Variants in ADRA2A observed in about 807,000 individuals in gnomAD.
The protein encoded by ADRA2A is alpha-2A adrenergic receptor.
In ADRA2A, 6 loss-of-function variants were observed where a neutral mutation model predicts 5.9. The ratio of observed to expected loss-of-function variants is 1.01; its 90% CI spans 0.55 to 2.00. The LOEUF (loss-of-function observed/expected upper bound fraction) is 2.00, where lower values mean the gene tolerates loss of function less well. ADRA2A is among the 30% of genes most tolerant of loss of function. The probability of loss-of-function intolerance (pLI) is 0.00; values close to 1 mark genes in which losing one functional copy is unlikely to be tolerated. For missense variants in ADRA2A, 647 were observed against 690.0 expected (o/e 0.94, Z 0.70); for synonymous variants, 345 against 325.9 (o/e 1.06, Z -0.63).
rs1843558726 is a variant in ADRA2A at position 111,078,444 on chromosome 10, A to C, written c.448A>C (p.Ile150Leu). The change falls in exon 1 of 1, where the codon ATC (isoleucine) becomes CTC (leucine). Residue 150 changes from isoleucine (I) to leucine (L), a missense_variant. By Grantham distance (5) the Ile-to-Leu change is conservative. Coordinates refer to ENST00000280155, the MANE Select transcript of ADRA2A (RefSeq NM_000681.4). Reference protein sequence around the residue: ...CAISLDRYWSITQAIEYNLKR... With the variant: ...CAISLDRYWSLTQAIEYNLKR... Reference sequence around the variant, plus strand: ...CATCAGCCTGGACCGCTACTGGTCCATCACACAGGCCATCGAGTACAACCT... The same window carrying C: ...CATCAGCCTGGACCGCTACTGGTCCCTCACACAGGCCATCGAGTACAACCT... 6.2e-7 allele frequency: 1 copy of C among 1,613,698 alleles called. No homozygotes were observed. The highest frequency in any genetic ancestry group is 1.1e-5 in the South Asian group (1 of 91,064).
At position 111,078,748 on chromosome 10, in the gene ADRA2A, C is replaced by G. The variant is rs375697365; in HGVS notation, c.752C>G (p.Pro251Arg). 4.4e-3 allele frequency: 6,343 copies of G among 1,443,268 alleles called. 299 individuals carry two copies. The South Asian group carries it at 0.091, about 21-fold the overall frequency. The allele number at this position is 1,443,268 out of a possible 1,614,324, so 89.4% of individuals were successfully genotyped here. Residue 251 changes from proline (P) to arginine (R), a missense_variant, in exon 1 of 1, where the codon CCG (proline) becomes CGG (arginine). Physicochemically the swap from Pro to Arg is moderately radical, Grantham distance 103. Coordinates refer to ENST00000280155, the MANE Select transcript of ADRA2A (RefSeq NM_000681.4). ...RTRVPPSRRG[P>R]DAVAAPPGGT... Reference sequence around the variant, plus strand: ...CGCGTGCCACCCAGCCGCCGGGGTCCGGACGCCGTCGCCGCGCCGCCGGGG... The same window carrying G: ...CGCGTGCCACCCAGCCGCCGGGGTCGGGACGCCGTCGCCGCGCCGCCGGGG...
In ADRA2A at chr10:111,080,702, T is replaced by C. The variant is rs188565562; in HGVS notation, c.*1308T>C. ...AGAGACAATTTAAGGCCTGCACTCTTATTTCACTAAAGAAAAACTAATGTC... is the reference window on the plus strand; with the variant it reads ...AGAGACAATTTAAGGCCTGCACTCTCATTTCACTAAAGAAAAACTAATGTC... On this transcript the variant is annotated 3_prime_UTR_variant, in exon 1 of 1. Transcript: ENST00000280155. The C allele has an allele frequency of 1.8e-5, 3 of 167,200 alleles. No homozygotes were observed. The highest frequency in any genetic ancestry group is 3.9e-4 in the East Asian group (2 of 5,190). 10.4% of individuals were successfully genotyped at this position (167,200 alleles called of 1,614,324 possible).
Position 111,077,567 on chromosome 10 carries a change from C to T in ADRA2A, c.-430C>T, listed in dbSNP as rs1284246641. 1 of 152,394 alleles carries T rather than the reference C, an allele frequency of 6.6e-6. No individual in the cohort carries two copies. Among genetic ancestry groups the T allele is most frequent in the African/African-American group, 2.4e-5 (1 of 41,482 alleles). The allele number at this position is 152,394 out of a possible 1,614,324, so 9.4% of individuals were successfully genotyped here. A position where few individuals can be genotyped will look rare whatever the true frequency, so the allele number is the denominator to read the frequency against. ...GCGGGCCCCGCACACGGTAAGACCTCTTGCTTTCGCTCAGGCTCAAGATTC... is the reference window on the plus strand; with the variant it reads ...GCGGGCCCCGCACACGGTAAGACCTTTTGCTTTCGCTCAGGCTCAAGATTC... On this transcript the variant is annotated 5_prime_UTR_variant, in exon 1 of 1. Transcript: ENST00000280155.
chr10:111,079,649 C>T lies in ADRA2A; in HGVS notation c.*255C>T. On this transcript the variant is annotated 3_prime_UTR_variant, in exon 1 of 1. Transcript: ENST00000280155. ...GAGCCATCTTCCTAGTGGGCCACCC[C>T]TAATCACTATTGCTTCCTAAAGGTA... 1.7e-6 allele frequency: 1 copy of T among 596,610 alleles called. No homozygotes were observed. Among genetic ancestry groups the T allele is most frequent in the Non-Finnish European group, 3.1e-6 (1 of 327,066 alleles). 37.0% of individuals were successfully genotyped at this position (596,610 alleles called of 1,614,324 possible).
In ADRA2A at chr10:111,077,898, G is replaced by T. The variant is rs1457028823; in HGVS notation, c.-99G>T. ...CTGCGGCCCCCTCCCTATGTGAGCC[G>T]CAGCCAGGCGAGCGGGGCGCCGGAG... is the stretch of plus-strand genomic sequence containing the variant. On this transcript the variant is annotated 5_prime_UTR_variant, in exon 1 of 1. Coordinates refer to ENST00000280155, the MANE Select transcript of ADRA2A (RefSeq NM_000681.4). 2 of 1,317,020 alleles carry T rather than the reference G, an allele frequency of 1.5e-6. No homozygotes were observed. Among genetic ancestry groups the T allele is most frequent in the Admixed American group, 8.3e-5 (2 of 24,176 alleles). The allele number at this position is 1,317,020 out of a possible 1,614,324, so 81.6% of individuals were successfully genotyped here.
In ADRA2A at chr10:111,077,969, A is replaced by C. The variant is rs985798746; in HGVS notation, c.-28A>C. On this transcript the variant is annotated 5_prime_UTR_variant, in exon 1 of 1. Coordinates refer to ENST00000280155, the MANE Select transcript of ADRA2A (RefSeq NM_000681.4). ...GCCGGGCCGGAAGGCAGCTGGCAGC[A>C]GGCCCAGGCCAGCGGGCGCCCGCGT... 1.8e-5 allele frequency: 25 copies of C among 1,353,750 alleles called. No individual in the cohort carries two copies. The Admixed American group carries it at 4.3e-4, about 23-fold the overall frequency. The allele number at this position is 1,353,750 out of a possible 1,614,324, so 83.9% of individuals were successfully genotyped here.
rs754851204 is a variant in ADRA2A at position 111,078,519 on chromosome 10, A to G, written c.523A>G (p.Ile175Val). 3.1e-6 allele frequency: 5 copies of G among 1,609,830 alleles called. No homozygotes were observed. The highest frequency in any genetic ancestry group is 4.2e-6 in the Non-Finnish European group (5 of 1,177,640). Residue 175 changes from isoleucine to valine, a missense_variant, in exon 1 of 1, where the codon ATC becomes GTC. Around this residue, in one of 3 missense-constraint regions of ADRA2A, gnomAD observed 577 missense variants for 605.4 expected, o/e 0.95. Coordinates refer to ENST00000280155, the MANE Select transcript of ADRA2A (RefSeq NM_000681.4). ...IKAIIITVWV[I>V]SAVISFPPLI... ...GGCCATCATCATCACCGTGTGGGTC[A>G]TCTCGGCCGTCATCTCCTTCCCGCC... is the stretch of plus-strand genomic sequence containing the variant.
Position 111,077,895 on chromosome 10 carries a change from G to A in ADRA2A, c.-102G>A. The A allele has an allele frequency of 1.5e-6, 2 of 1,318,356 alleles. No homozygotes were observed. Among genetic ancestry groups the A allele is most frequent in the Non-Finnish European group, 1.9e-6 (2 of 1,042,158 alleles). The allele number at this position is 1,318,356 out of a possible 1,614,324, so 81.7% of individuals were successfully genotyped here. On this transcript the variant is annotated 5_prime_UTR_variant, in exon 1 of 1. Transcript: ENST00000280155. ...TCCCTGCGGCCCCCTCCCTATGTGA[G>A]CCGCAGCCAGGCGAGCGGGGCGCCG...
rs776995550 is a variant in ADRA2A, at chr10:111,079,173, G to T, written c.1177G>T (p.Val393Leu). ...REKRFTFVLAVVIGVFVVCWF... is the reference protein window; with the variant it reads ...REKRFTFVLALVIGVFVVCWF... ...GAAGCGCTTCACGTTCGTGCTGGCCGTGGTCATCGGAGTGTTCGTGGTGTG... is the reference window on the plus strand; with the variant it reads ...GAAGCGCTTCACGTTCGTGCTGGCCTTGGTCATCGGAGTGTTCGTGGTGTG... The change falls in exon 1 of 1, where the codon GTG becomes TTG. Residue 393 changes from valine (V) to leucine (L), a missense_variant. Val to Leu is a conservative substitution (Grantham distance 32). Coordinates refer to ENST00000280155, the MANE Select transcript of ADRA2A (RefSeq NM_000681.4). 1 of 1,613,624 alleles carries T rather than the reference G, an allele frequency of 6.2e-7. No homozygotes were observed. Among genetic ancestry groups the T allele is most frequent in the South Asian group, 1.1e-5 (1 of 91,088 alleles).
At position 111,079,841 on chromosome 10, in the gene ADRA2A, G is replaced by C; in HGVS notation, c.*447G>C. The C allele has an allele frequency of 5.5e-6, 1 of 183,024 alleles. No individual in the cohort carries two copies. The highest frequency in any genetic ancestry group is 1.3e-5 in the Non-Finnish European group (1 of 78,386). The allele number at this position is 183,024 out of a possible 1,614,324, so 11.3% of individuals were successfully genotyped here. A position where few individuals can be genotyped will look rare whatever the true frequency, so the allele number is the denominator to read the frequency against. The stretch of plus-strand genomic sequence containing the variant: ...TTTTTAAAGAAAAATGCTAAGGGCA[G>C]CCCTGCCTGCCCTCCCCATCCCCCG... On this transcript the variant is annotated 3_prime_UTR_variant, in exon 1 of 1. Coordinates refer to ENST00000280155, the MANE Select transcript of ADRA2A (RefSeq NM_000681.4).
chr10:111,079,593 C>T lies in ADRA2A; in HGVS notation c.*199C>T. The stretch of plus-strand genomic sequence containing the variant: ...CTTCTTGCTGCCAGGCCCACACATC[C>T]CCAGTTGTTGGTTTGGCCACTCTTG... On this transcript the variant is annotated 3_prime_UTR_variant, in exon 1 of 1. Coordinates refer to ENST00000280155, the MANE Select transcript of ADRA2A (RefSeq NM_000681.4). 1 of 638,116 alleles carries T rather than the reference C, an allele frequency of 1.6e-6. No individual in the cohort carries two copies. 39.5% of individuals were successfully genotyped at this position (638,116 alleles called of 1,614,324 possible).
rs1843567891 is a variant in ADRA2A at position 111,078,988 on chromosome 10, G to A, written c.992G>A (p.Arg331Gln). 8.1e-7 allele frequency: 1 copy of A among 1,234,704 alleles called. No homozygotes were observed. The highest frequency in any genetic ancestry group is 3.4e-5 in the South Asian group (1 of 29,454). The allele number at this position is 1,234,704 out of a possible 1,614,324, so 76.5% of individuals were successfully genotyped here. The part of the protein sequence containing the change: ...PGPRRPERGP[R>Q]GKGKARASQV... The stretch of plus-strand genomic sequence containing the variant: ...CCCCGCAGACCCGAGCGCGGTCCCC[G>A]GGGCAAAGGCAAGGCCCGAGCGAGC... Residue 331 changes from arginine to glutamine, a missense_variant, in exon 1 of 1, where the codon CGG (arginine) becomes CAG (glutamine). This residue lies in a region of ADRA2A where 577 missense variants were observed against 605.4 expected (regional missense o/e 0.95). Transcript: ENST00000280155.
rs555550943 is a variant in ADRA2A at position 111,079,779 on chromosome 10, C to T, written c.*385C>T. ...GTTAATGGATGGGGGTTACCTAGCC[C>T]TGGCTAATTCCCCTTCCATTCCCAA... On this transcript the variant is annotated 3_prime_UTR_variant, in exon 1 of 1. Coordinates refer to ENST00000280155, the MANE Select transcript of ADRA2A (RefSeq NM_000681.4). 6 of 230,258 alleles carry T rather than the reference C, an allele frequency of 2.6e-5. No individual in the cohort carries two copies. Among genetic ancestry groups the T allele is most frequent in the Admixed American group, 1.1e-4 (2 of 18,378 alleles). The allele number at this position is 230,258 out of a possible 1,614,324, so 14.3% of individuals were successfully genotyped here. A position where few individuals can be genotyped will look rare whatever the true frequency, so the allele number is the denominator to read the frequency against.
chr10:111,077,856 G>A lies in ADRA2A; in HGVS notation c.-141G>A. The A allele has an allele frequency of 8.0e-7, 1 of 1,255,180 alleles. No individual in the cohort carries two copies. Among genetic ancestry groups the A allele is most frequent in the East Asian group, 3.2e-5 (1 of 31,294 alleles). The allele number at this position is 1,255,180 out of a possible 1,614,324, so 77.8% of individuals were successfully genotyped here. On this transcript the variant is annotated 5_prime_UTR_variant, in exon 1 of 1. Transcript: ENST00000280155. ...GCCATGGGCCGCTAGCGGTCCTCCA[G>A]TTCGGGCCCGGCCTCCCTGCGGCCC... is the stretch of plus-strand genomic sequence containing the variant.
chr10:111,079,552 G>A lies in ADRA2A; in HGVS notation c.*158G>A. On this transcript the variant is annotated 3_prime_UTR_variant, in exon 1 of 1. Coordinates refer to ENST00000280155, the MANE Select transcript of ADRA2A (RefSeq NM_000681.4). ...AGCCTCCTGCGGGCGGGCGTCTGCTGCTCCTACAAGGGAAGCTTCTTGCTG... is the reference window on the plus strand; with the variant it reads ...AGCCTCCTGCGGGCGGGCGTCTGCTACTCCTACAAGGGAAGCTTCTTGCTG... The A allele has an allele frequency of 4.0e-6, 3 of 744,938 alleles. No individual in the cohort carries two copies. The highest frequency in any genetic ancestry group is 3.7e-5 in the South Asian group (2 of 53,702). 46.1% of individuals were successfully genotyped at this position (744,938 alleles called of 1,614,324 possible). A position where few individuals can be genotyped will look rare whatever the true frequency, so the allele number is the denominator to read the frequency against.
Position 111,078,095 on chromosome 10 carries a change from G to T in ADRA2A, c.99G>T (p.Ala33=), listed in dbSNP as rs756491012. The change falls in exon 1 of 1, where the codon GCG becomes GCT. Residue 33 remains alanine, a synonymous_variant. Coordinates refer to ENST00000280155, the MANE Select transcript of ADRA2A (RefSeq NM_000681.4). The part of the protein sequence containing the change: ...AGNASWNGTE[A]PGGGARATPY... ...ACGCGAGCTGGAACGGGACCGAGGC[G>T]CCGGGGGGCGGCGCCCGGGCCACCC... The T allele has an allele frequency of 1.4e-4, 217 of 1,565,978 alleles. 1 individual carries two copies. In the Middle Eastern group the frequency reaches 3.9e-3, roughly 28 times the overall value.
rs1843571822 is a variant in ADRA2A at position 111,079,324 on chromosome 10, T to A, written c.1328T>A (p.Ile443Asn). 3 of 1,613,958 alleles carry A rather than the reference T, an allele frequency of 1.9e-6. No homozygotes were observed. Among genetic ancestry groups the A allele is most frequent in the South Asian group, 1.1e-5 (1 of 91,086 alleles). The change falls in exon 1 of 1, where the codon ATC (isoleucine) becomes AAC (asparagine). Residue 443 changes from isoleucine to asparagine, a missense_variant. Around this residue, in one of 3 missense-constraint regions of ADRA2A, gnomAD observed 62 missense variants for 59.8 expected, o/e 1.04. Coordinates refer to ENST00000280155, the MANE Select transcript of ADRA2A (RefSeq NM_000681.4). ...NSSLNPVIYT[I>N]FNHDFRRAFK... is the part of the protein sequence containing the mutation. ...TCGTTGAACCCGGTCATCTACACCA[T>A]CTTCAACCACGATTTCCGCCGCGCC...
Position 111,078,967 on chromosome 10 carries a change from G to T in ADRA2A, c.971G>T (p.Arg324Leu), listed in dbSNP as rs1308741559. 5 of 1,241,388 alleles carry T rather than the reference G, an allele frequency of 4.0e-6. No individual in the cohort carries two copies. The highest frequency in any genetic ancestry group is 3.2e-5 in the African/African-American group (2 of 63,120). 76.9% of individuals were successfully genotyped at this position (1,241,388 alleles called of 1,614,324 possible). ...CACGCCGAGCGGCCTCCAGGGCCCC[G>T]CAGACCCGAGCGCGGTCCCCGGGGC... ...SDHAERPPGP[R>L]RPERGPRGKG... is the part of the protein sequence containing the mutation. The change falls in exon 1 of 1, where the codon CGC (arginine) becomes CTC (leucine). Residue 324 changes from arginine (R) to leucine (L), a missense_variant. This residue lies in a region of ADRA2A where 577 missense variants were observed against 605.4 expected (regional missense o/e 0.95). Coordinates refer to ENST00000280155, the MANE Select transcript of ADRA2A (RefSeq NM_000681.4).
Position 111,079,321 on chromosome 10 carries a change from C to G in ADRA2A, c.1325C>G (p.Thr442Ser). Residue 442 changes from threonine to serine, a missense_variant, in exon 1 of 1, where the codon ACC becomes AGC. Coordinates refer to ENST00000280155, the MANE Select transcript of ADRA2A (RefSeq NM_000681.4). ...CNSSLNPVIY[T>S]IFNHDFRRAF... is the part of the protein sequence containing the mutation. ...AGCTCGTTGAACCCGGTCATCTACA[C>G]CATCTTCAACCACGATTTCCGCCGC... 6.2e-7 allele frequency: 1 copy of G among 1,614,156 alleles called. No homozygotes were observed. Among genetic ancestry groups the G allele is most frequent in the South Asian group, 1.1e-5 (1 of 91,088 alleles).
Sources: gnomAD v4.1 joint callset for allele counts on GRCh38, gnomAD v4.1.1 for gene constraint, gnomAD v4.1.1 regional missense constraint, MANE v1.5 for transcripts, NCBI Gene and HGNC (gene_info 2026-07-23, HGNC 2026-07-21) for gene names.